Variants in HPSE2 observed in about 807,000 individuals in gnomAD.
HPSE2 encodes heparanase 2 (inactive), also known as inactive heparanase-2.
Under a neutral mutation model 60.5 loss-of-function variants are expected in HPSE2, and 38 were observed. That is an observed-to-expected ratio of 0.63 (90% CI 0.48 to 0.82). The LOEUF (loss-of-function observed/expected upper bound fraction) is 0.82. Ranked by LOEUF, HPSE2 falls within the 40% of genes least tolerant of loss-of-function variation. The pLI is 0.00. For missense variants in HPSE2, 713 were observed against 740.4 expected (o/e 0.96, Z 0.43); for synonymous variants, 295 against 293.2 (o/e 1.01, Z -0.06).
intron 3 of HPSE2, among the ~76,000 whole-genome samples, chr10:99,049,178 T>C (rs769090471): frequency 2.6e-5 from 4 of 152,218 alleles, no homozygotes; most frequent in Non-Finnish European, 4.4e-5. Flanking sequence ...AATCTGCACA[T>C]GTACTCCCTA....
intron 2 of HPSE2, among the ~76,000 whole-genome samples, chr10:99,178,743 G>A (rs1265552716): frequency 6.6e-6 from 1 of 152,126 alleles, no homozygotes; most frequent in Non-Finnish European, 1.5e-5. Flanking sequence ...AACAGAAAAA[G>A]AGGGAATCCT....
At chr10:99,118,377 G>T (rs1589685212) in intron 3 of HPSE2, among the ~76,000 whole-genome samples, 1 of 151,720 alleles carries the variant, frequency 6.6e-6, no homozygotes, top group East Asian at 2.0e-4. Flanking sequence ...CAAAAAATTA[G>T]CCAGGTGTGT....
At chr10:98,704,328 C>T (rs1342557712) in intron 5 of HPSE2, among the ~76,000 whole-genome samples, 2 of 152,094 alleles carry the variant, frequency 1.3e-5, no homozygotes, top group African/African-American at 4.8e-5. Context: ...AATGGCCACA[C>T]TGCCCAAAGT....
At chr10:98,557,678 C>T (rs1472005259) in intron 9 of HPSE2, among the ~76,000 whole-genome samples, 3 of 152,142 alleles carry the variant, frequency 2.0e-5, no homozygotes, top group African/African-American at 4.8e-5. Context: ...AGGCCAGGTG[C>T]GGTGGCTCAC....
At chr10:99,003,443 A>G (rs7915441) in intron 3 of HPSE2, among the ~76,000 whole-genome samples, 74,027 of 151,922 alleles carry the variant, frequency 0.49, 20,239 homozygotes, top group East Asian at 0.62. Context: ...CATAATAATT[A>G]TACACATACC....
chr10:98,681,724 A>C (rs867294936), intron 6 of HPSE2, among the ~76,000 whole-genome samples: 23 of 152,320 alleles, frequency 1.5e-4, no homozygotes, highest in African/African-American at 5.5e-4. Flanking sequence ...TACAGAATGC[A>C]AAAGATATGG....
intron 3 of HPSE2, among the ~76,000 whole-genome samples, chr10:99,009,712 T>A (rs559962988): frequency 6.6e-5 from 10 of 152,314 alleles, no homozygotes; most frequent in African/African-American, 2.4e-4. Context: ...AGCCAGTGAT[T>A]CACATACTTA....
At chr10:98,960,730 T>TTTTTTTTTTTTTTTTTTTTTTATTTTG (rs1955647062) in intron 3 of HPSE2, among the ~76,000 whole-genome samples, 3 of 24,792 alleles carry the variant, frequency 1.2e-4, no homozygotes, top group Non-Finnish European at 2.7e-4. Context: ...TGTTTTATTT[T>TTTTTTTTTTTTTTTTTTTTTTATTTTG]TTTTATTTTA....
chr10:99,077,715 T>C (rs532556453), intron 3 of HPSE2, among the ~76,000 whole-genome samples: 53 of 52,164 alleles, frequency 1.0e-3, no homozygotes, highest in African/African-American at 1.7e-3. Flanking sequence ...TATGTGTGTA[T>C]ATATATGTGT....
chr10:99,264,756 G>A, the HPSE2 span, among the ~76,000 whole-genome samples: 6 of 151,954 alleles, frequency 3.9e-5, no homozygotes, highest in Non-Finnish European at 8.8e-5. Context: ...CTGCCTCCAG[G>A]TCATCACCAC....
At chr10:99,291,029 C>T in the HPSE2 span, among the ~76,000 whole-genome samples, 1 of 152,016 alleles carries the variant, frequency 6.6e-6, no homozygotes, top group Admixed American at 6.6e-5. Flanking sequence ...TGTTGAACAA[C>T]GAAAAGTAAT....
chr10:98,818,846 A>G lies in HPSE2; in HGVS notation c.611-74790T>C, dbSNP rs1015762225. Among the ~76,000 whole-genome samples the G allele has an allele frequency of 2.0e-5, 3 of 152,270 alleles. No homozygotes were observed. In the East Asian group the frequency reaches 5.8e-4, roughly 29 times the overall value. Reference sequence around the variant, plus strand: ...TAAATAGTTTAGATGATGATCTTACAATTCTAAATAGGTTCACCTTGAATG... The same window carrying G: ...TAAATAGTTTAGATGATGATCTTACGATTCTAAATAGGTTCACCTTGAATG... On this transcript the variant is annotated intron_variant, in intron 3 of 11. Coordinates refer to ENST00000370552, the MANE Select transcript of HPSE2 (RefSeq NM_021828.5).
intron 3 of HPSE2, among the ~76,000 whole-genome samples, chr10:98,859,034 T>A (rs750098869): frequency 6.6e-6 from 1 of 152,154 alleles, no homozygotes; most frequent in Admixed American, 6.5e-5. Context: ...GCTCAAGCAA[T>A]CCTCCCACCT....
intron 3 of HPSE2, among the ~76,000 whole-genome samples, chr10:99,037,895 T>A (rs1339063622): frequency 6.6e-6 from 1 of 151,834 alleles, no homozygotes; most frequent in African/African-American, 2.4e-5. Flanking sequence ...AAACAGATAT[T>A]TCATCAAAAA....
chr10:98,843,277 T>C (rs1294598717), intron 3 of HPSE2, among the ~76,000 whole-genome samples: 1 of 152,146 alleles, frequency 6.6e-6, no homozygotes, highest in Non-Finnish European at 1.5e-5. Context: ...CTCCCACTTA[T>C]AAGTGAAAAC....
intron 3 of HPSE2, among the ~76,000 whole-genome samples, chr10:99,036,903 T>TGAATAGTC (rs1364388907): frequency 3.9e-5 from 6 of 152,116 alleles, no homozygotes; most frequent in Non-Finnish European, 8.8e-5. Flanking sequence ...TTGCTTCTAA[T>TGAATAGTC]GAATAGTCAA....
At chr10:99,261,759 T>C in the HPSE2 span, among the ~76,000 whole-genome samples, 1 of 152,158 alleles carries the variant, frequency 6.6e-6, no homozygotes, top group African/African-American at 2.4e-5. Flanking sequence ...TTGCCTCCAC[T>C]GTGAGAAAAA....
chr10:98,538,855 T>C (rs988357119), intron 9 of HPSE2, among the ~76,000 whole-genome samples: 1 of 152,144 alleles, frequency 6.6e-6, no homozygotes, highest in African/African-American at 2.4e-5. Context: ...CCTTCAGGGA[T>C]ACAAGTGAAC....
At chr10:99,173,627 AATTAT>A (rs1164774139) in intron 2 of HPSE2, among the ~76,000 whole-genome samples, 2 of 152,290 alleles carry the variant, frequency 1.3e-5, no homozygotes, top group African/African-American at 4.8e-5. Flanking sequence ...CTCTGAAAAA[AATTAT>A]ATTATAACCA....
Sources: allele counts gnomAD v4.1 joint callset (sites outside exome capture counted in the v4.1 genomes callset), GRCh38; gene constraint gnomAD v4.1.1; transcripts MANE v1.5; gene names NCBI Gene and HGNC (gene_info 2026-07-23, HGNC 2026-07-21).